Variants in DOCK1 observed in about 807,000 individuals in gnomAD.
The protein encoded by DOCK1 is dedicator of cytokinesis 1.
Under a neutral mutation model 262.7 loss-of-function variants are expected in DOCK1, and 138 were observed. The ratio of observed to expected loss-of-function variants is 0.53; its 90% confidence interval spans 0.46 to 0.61. DOCK1 has a LOEUF of 0.61. Among genes scored for constraint, DOCK1 ranks in the 20% least tolerant of loss-of-function variants. The pLI is 0.00. For synonymous variants in DOCK1, 866 were observed against 867.4 expected (o/e 1.00, Z 0.03); for missense variants, 1,908 against 2,370.7 (o/e 0.80, Z 4.05).
intron 21 of DOCK1, among the ~76,000 whole-genome samples, 179 bp downstream of exon 21, chr10:127,043,343 G>A (rs2135647202): frequency 1.3e-5 from 2 of 152,174 alleles, no homozygotes; most frequent in East Asian, 3.9e-4. Context: ...CTTGTTGAAA[G>A]AGATATGTGA....
At chr10:126,975,089 T>G (rs1332536896) in intron 2 of DOCK1, among the ~76,000 whole-genome samples, 2 of 152,120 alleles carry the variant, frequency 1.3e-5, no homozygotes, top group Non-Finnish European at 2.9e-5. Flanking sequence ...GTGCATCTGT[T>G]TTTAACAGAT....
chr10:127,444,301 T>C (rs2070386354), intron 50 of DOCK1, 22 bp downstream of exon 50: 2 of 1,577,712 alleles, frequency 1.3e-6, no homozygotes, highest in Admixed American at 3.7e-5. Context: ...GCTCCCCACA[T>C]ACGAATCGTG....
At chr10:127,292,092 CAGTT>C (rs1197878381) in intron 29 of DOCK1, among the ~76,000 whole-genome samples, 1 of 152,220 alleles carries the variant, frequency 6.6e-6, no homozygotes, top group African/African-American at 2.4e-5. Context: ...AGCTGAGTCA[CAGTT>C]AGCCTCTGAC....
intron 23 of DOCK1, among the ~76,000 whole-genome samples, chr10:127,086,457 G>A (rs986834640): frequency 1.3e-5 from 2 of 152,156 alleles, no homozygotes; most frequent in Non-Finnish European, 2.9e-5. Context: ...TACAAAAGAA[G>A]CAAAGAAATT....
chr10:127,089,025 T>G (rs2136078930), intron 23 of DOCK1, among the ~76,000 whole-genome samples: 1 of 152,194 alleles, frequency 6.6e-6, no homozygotes, highest in Non-Finnish European at 1.5e-5. Context: ...CCCCACAGAC[T>G]TCACCCGCAG....
chr10:127,151,255 CT>C (rs2052459126), intron 27 of DOCK1, among the ~76,000 whole-genome samples: 1 of 152,138 alleles, frequency 6.6e-6, no homozygotes, highest in Non-Finnish European at 1.5e-5. Flanking sequence ...ACAGTGCAGT[CT>C]TTATTTGAAT....
At chr10:127,371,859 C>G (rs1037468973) in intron 33 of DOCK1, among the ~76,000 whole-genome samples, 1 of 152,020 alleles carries the variant, frequency 6.6e-6, no homozygotes, top group South Asian at 2.1e-4. Flanking sequence ...TTGCAGAATT[C>G]TTTTCTGTAA....
intron 29 of DOCK1, among the ~76,000 whole-genome samples, chr10:127,301,271 AG>A (rs1294428672): frequency 6.6e-6 from 1 of 152,190 alleles, no homozygotes; most frequent in African/African-American, 2.4e-5. Flanking sequence ...GTTAATGATT[AG>A]GTTTCTCCCG....
At chr10:127,315,064 C>CCT (rs142396008) in intron 29 of DOCK1, among the ~76,000 whole-genome samples, 4,371 of 152,254 alleles carry the variant, frequency 0.029, 200 homozygotes, top group African/African-American at 0.1. Flanking sequence ...GGGCCTGAAA[C>CCT]CTGGGAGGCT....
chr10:127,027,782 G>T (rs2042969666), intron 16 of DOCK1, among the ~76,000 whole-genome samples: 1 of 152,144 alleles, frequency 6.6e-6, no homozygotes, highest in South Asian at 2.1e-4. Flanking sequence ...GGCCCTCCAT[G>T]TGGGGTGGGT....
intron 38 of DOCK1, chr10:127,402,761 A>C (rs2067297142): frequency 1.8e-6 from 1 of 568,528 alleles, no homozygotes; most frequent in Non-Finnish European, 3.4e-6. Flanking sequence ...AGCTGGCAGC[A>C]GGAGAGCAAA....
chr10:127,247,190 G>A (rs536698812), intron 27 of DOCK1, among the ~76,000 whole-genome samples: 21 of 152,306 alleles, frequency 1.4e-4, no homozygotes, highest in African/African-American at 4.8e-4. Context: ...AACAGCCGGA[G>A]AGACGTTTCA....
chr10:126,915,788 TC>T (rs2032418786), intron 1 of DOCK1, among the ~76,000 whole-genome samples: 1 of 152,140 alleles, frequency 6.6e-6, no homozygotes, highest in Admixed American at 6.5e-5. Flanking sequence ...GTCTGGCTGT[TC>T]CTGTTCCCAC....
intron 29 of DOCK1, among the ~76,000 whole-genome samples, chr10:127,305,608 A>T (rs1251962279): frequency 3.9e-5 from 6 of 152,160 alleles, no homozygotes; most frequent in Middle Eastern, 3.2e-3. Context: ...TCAGACAAGG[A>T]GCTGCTGGAG....
chr10:126,921,626 A>G lies in DOCK1; in HGVS notation c.46+16063A>G, dbSNP rs547323939. Among the ~76,000 whole-genome samples the G allele has an allele frequency of 2.0e-5, 3 of 149,270 alleles. No individual in the cohort carries two copies. In the East Asian group the frequency reaches 5.9e-4, roughly 29 times the overall value. ...CATTACTATAAAGGAATACTTGAGG[A>G]CGGGTGAGAGAGAGAGAGACAGAGA... On this transcript the variant is annotated intron_variant, in intron 1 of 51. Transcript: ENST00000623213.
chr10:127,025,972 C>A, intron 15 of DOCK1: 1 of 226,544 alleles, frequency 4.4e-6, no homozygotes, highest in South Asian at 5.8e-5. Context: ...AGGAGAATCG[C>A]TTGAACGCAG....
chr10:127,070,601 G>A (rs1459393048), intron 23 of DOCK1, among the ~76,000 whole-genome samples: 1 of 151,830 alleles, frequency 6.6e-6, no homozygotes, highest in Non-Finnish European at 1.5e-5. Context: ...AGACGTCATC[G>A]TGGACGTCAG....
intron 35 of DOCK1, among the ~76,000 whole-genome samples, chr10:127,377,227 A>G (rs577643058): frequency 6.6e-6 from 1 of 152,318 alleles, no homozygotes; most frequent in African/African-American, 2.4e-5. Context: ...AGTTTTAAAG[A>G]TAGGTAGATA....
intron 29 of DOCK1, among the ~76,000 whole-genome samples, chr10:127,317,238 A>G (rs2062324087): frequency 6.6e-6 from 1 of 152,198 alleles, no homozygotes; most frequent in South Asian, 2.1e-4. Context: ...CCCAAGTTAA[A>G]AACAGCCCTG....
Sources: gnomAD v4.1 joint callset for allele counts (sites outside exome capture counted in the v4.1 genomes callset) on GRCh38, gnomAD v4.1.1 for gene constraint, MANE v1.5 for transcripts, NCBI Gene and HGNC (gene_info 2026-07-23, HGNC 2026-07-21) for gene names.